The following TAB3 variants were observed in gnomAD, a reference collection of about 807,000 sequenced individuals.
TAB3 encodes the protein TGF-beta-activated kinase 1 and MAP3K7-binding protein 3.
In TAB3, 18 loss-of-function variants were observed where a neutral mutation model predicts 48.1. That is an observed-to-expected ratio of 0.37 (90% CI 0.26 to 0.55). The LOEUF (loss-of-function observed/expected upper bound fraction) is 0.55. TAB3 is among the 20% of genes least tolerant of loss of function. TAB3 has a pLI of 0.78. For missense variants in TAB3, 414 were observed against 549.8 expected (o/e 0.75, Z 2.47); for synonymous variants, 185 against 190.2 (o/e 0.97, Z 0.22).
chrX:30,846,155 G>A, intron 8 of TAB3: 1 of 725,500 alleles, frequency 1.4e-6, no homozygotes, highest in Non-Finnish European at 1.7e-6. Flanking sequence ...CATATATAGA[G>A]TTTATTTTAA....
At chrX:30,846,111 T>TTTA in intron 8 of TAB3, 1 of 903,033 alleles carries the variant, frequency 1.1e-6, no homozygotes, top group Non-Finnish European at 1.4e-6. Flanking sequence ...TGATTATAGT[T>TTTA]GAATGTTTTC....
intron 6 of TAB3, among the ~76,000 whole-genome samples, chrX:30,853,320 A>T (rs1175595745): frequency 1.8e-5 from 2 of 112,902 alleles, no homozygotes; most frequent in Admixed American, 9.4e-5. Flanking sequence ...ATTTAGGTCT[A>T]CTATTAGCTA....
At chrX:30,859,751 A>C in intron 4 of TAB3, 73 bp from the exon 5 acceptor site, 1 of 435,840 alleles carries the variant, frequency 2.3e-6, no homozygotes, top group Non-Finnish European at 4.0e-6. Context: ...GATCCTATAC[A>C]TCTCAGTAGT....
At chrX:30,863,190 C>A (rs773784403) in intron 4 of TAB3, among the ~76,000 whole-genome samples, 5 of 112,297 alleles carry the variant, frequency 4.5e-5, no homozygotes, top group African/African-American at 1.6e-4. Context: ...GTGGTTAGCA[C>A]TCTGCCCTGT....
At chrX:30,861,423 T>C (rs1939248652) in intron 4 of TAB3, among the ~76,000 whole-genome samples, 1 of 109,532 alleles carries the variant, frequency 9.1e-6, no homozygotes, top group Non-Finnish European at 1.9e-5. Context: ...GGGCAATTTG[T>C]GAACACATAG....
intron 1 of TAB3, among the ~76,000 whole-genome samples, chrX:30,887,006 A>T (rs990321020): frequency 3.6e-5 from 4 of 112,119 alleles, no homozygotes; most frequent in Admixed American, 9.4e-5. Context: ...TCTGCAAATC[A>T]TGAATAGGGT....
Position 30,828,064 on chromosome X carries a change from T to G in TAB3, c.*3363A>C, listed in dbSNP as rs1937937457. The stretch of plus-strand genomic sequence containing the variant: ...CATTCAAGGTCTAACAATGGTACAA[T>G]ATTAAAATAATTCAATTTTTAACTA... On this transcript the variant is annotated 3_prime_UTR_variant, in exon 11 of 11. Transcript: ENST00000288422. 1 of 112,308 alleles carries G rather than the reference T, an allele frequency of 8.9e-6. No homozygotes were observed. The highest frequency in any genetic ancestry group is 3.2e-5 in the African/African-American group (1 of 30,903). 9.3% of individuals were successfully genotyped at this position (112,308 alleles called of 1,213,427 possible).
chrX:30,854,157 C>T lies in TAB3; in HGVS notation c.1508G>A (p.Arg503Lys). 1 of 1,208,097 alleles carries T rather than the reference C, an allele frequency of 8.3e-7. No individual in the cohort carries two copies. ...GGEKGSHKYQ[R>K]SSSSGSDDYA... The stretch of plus-strand genomic sequence containing the variant: ...GTCATCTGATCCAGAACTAGAACTT[C>T]TCTGATATTTATGGCTTCCCTTTTC... Residue 503 changes from arginine (R) to lysine (K), a missense_variant, in exon 6 of 11, where the codon AGA becomes AAA. Arg to Lys is a conservative substitution (Grantham distance 26, BLOSUM62 2). Coordinates refer to ENST00000288422, the MANE Select transcript of TAB3 (RefSeq NM_152787.5).
rs1939194649 is a variant in TAB3, at chrX:30,859,681, AT to A, written c.-90-4del. 3.8e-6 allele frequency: 2 copies of A among 522,049 alleles called. No individual in the cohort carries two copies. The highest frequency in any genetic ancestry group is 3.1e-6 in the Non-Finnish European group (1 of 324,824). 43.0% of individuals were successfully genotyped at this position (522,049 alleles called of 1,213,427 possible). On this transcript the variant is annotated splice_polypyrimidine_tract_variant and splice_region_variant and intron_variant, in intron 4 of 10. Coordinates refer to ENST00000288422, the MANE Select transcript of TAB3 (RefSeq NM_152787.5). ...TCTTCTAGCACCACAGTCATTTTCT[AT>A]TTAAAAAAAAAAAAAAAGTATGGTT... is the stretch of plus-strand genomic sequence containing the variant.
At chrX:30,851,174 T>C (rs1278684794) in intron 7 of TAB3, among the ~76,000 whole-genome samples, 2 of 112,391 alleles carry the variant, frequency 1.8e-5, no homozygotes, top group East Asian at 5.5e-4. Context: ...TCCTCCTCAC[T>C]TCTAATATTG....
intron 1 of TAB3, among the ~76,000 whole-genome samples, chrX:30,880,235 C>T (rs923529177): frequency 2.7e-5 from 3 of 111,180 alleles, no homozygotes; most frequent in African/African-American, 9.8e-5. Flanking sequence ...AAGATGCTTT[C>T]GAAGGACAAT....
chrX:30,837,574 A>G (rs1461728248), intron 9 of TAB3, among the ~76,000 whole-genome samples: 1 of 111,697 alleles, frequency 9.0e-6, no homozygotes, highest in Non-Finnish European at 1.9e-5. Flanking sequence ...AATTCTTTAT[A>G]TACTCTGGAT....
intron 4 of TAB3, among the ~76,000 whole-genome samples, chrX:30,860,888 T>C (rs1194489818): frequency 9.0e-6 from 1 of 111,699 alleles, no homozygotes; most frequent in African/African-American, 3.3e-5. Context: ...ATATTCCTAT[T>C]TTTCGGTATT....
chrX:30,863,304 G>T (rs1939305188), intron 4 of TAB3, among the ~76,000 whole-genome samples: 1 of 112,355 alleles, frequency 8.9e-6, no homozygotes, highest in Admixed American at 9.4e-5. Flanking sequence ...ACTATATCAT[G>T]TTAAAATACT....
At chrX:30,861,329 C>T (rs1358119131) in intron 4 of TAB3, among the ~76,000 whole-genome samples, 1 of 110,899 alleles carries the variant, frequency 9.0e-6, no homozygotes, top group Non-Finnish European at 1.9e-5. Context: ...AATATATAGA[C>T]AAGCCTTTTA....
At chrX:30,842,884 G>A in intron 9 of TAB3, 82 bp downstream of exon 9, 1 of 602,483 alleles carries the variant, frequency 1.7e-6, no homozygotes. Flanking sequence ...AACCTCTAGT[G>A]GAAATTTCTT....
chrX:30,829,756 G>A lies in TAB3; in HGVS notation c.*1671C>T, dbSNP rs1937971506. The A allele has an allele frequency of 9.3e-6, 1 of 107,431 alleles. No individual in the cohort carries two copies. The highest frequency in any genetic ancestry group is 4.2e-4 in the South Asian group (1 of 2,396). The allele number at this position is 107,431 out of a possible 1,213,427, so 8.9% of individuals were successfully genotyped here. ...AATGATTCTGATGGAAAACTATGAT[G>A]AGTTATTACGCCTTTGGTTTCATTA... On this transcript the variant is annotated 3_prime_UTR_variant, in exon 11 of 11. Coordinates refer to ENST00000288422, the MANE Select transcript of TAB3 (RefSeq NM_152787.5).
intron 1 of TAB3, among the ~76,000 whole-genome samples, chrX:30,887,725 C>T (rs965288669): frequency 7.1e-5 from 8 of 112,548 alleles, no homozygotes; most frequent in African/African-American, 2.6e-4. Flanking sequence ...TTTGCTCCAA[C>T]AAACTGTACA....
intron 4 of TAB3, among the ~76,000 whole-genome samples, chrX:30,863,408 G>A (rs1289893874): frequency 8.9e-6 from 1 of 112,071 alleles, no homozygotes; most frequent in African/African-American, 3.2e-5. Flanking sequence ...GATACAGTTT[G>A]GATGTTTGTC....
Sources: gnomAD v4.1 joint callset for allele counts (sites outside exome capture counted in the v4.1 genomes callset) on GRCh38, gnomAD v4.1.1 for gene constraint, MANE v1.5 for transcripts, NCBI Gene and HGNC (gene_info 2026-07-23, HGNC 2026-07-21) for gene names.